The following CPED1 variants were observed in gnomAD, a reference collection of about 807,000 sequenced individuals.
CPED1 encodes cadherin like and PC-esterase domain containing 1, also known as cadherin-like and PC-esterase domain-containing protein 1.
Under a neutral mutation model 128.2 loss-of-function variants are expected in CPED1, and 114 were observed. The observed-to-expected ratio is 0.89, with a 90% CI of 0.76 to 1.04. CPED1 has a LOEUF of 1.04. Among genes scored for constraint, CPED1 ranks in the 50% least tolerant of loss-of-function variants. The pLI is 0.00. For synonymous variants in CPED1, 462 were observed against 426.7 expected, an observed-to-expected ratio of 1.08 and a Z score of -1.02; for missense variants, 1,211 against 1,207.1, an observed-to-expected ratio of 1.00 and a Z score of -0.05.
intron 17 of CPED1, among the ~76,000 whole-genome samples, chr7:121,238,366 T>C (rs541490318): frequency 4.6e-5 from 7 of 152,258 alleles, no homozygotes; most frequent in African/African-American, 1.7e-4. Context: ...CCTCTCTTTA[T>C]GTTGAGAGTG....
chr7:121,205,729 C>G (rs1180409056), intron 16 of CPED1, among the ~76,000 whole-genome samples: 1 of 151,974 alleles, frequency 6.6e-6, no homozygotes. Context: ...ACATTTTTCT[C>G]CCTTTGAAAA....
At chr7:121,203,665 A>T (rs1182408236) in intron 16 of CPED1, among the ~76,000 whole-genome samples, 1 of 152,128 alleles carries the variant, frequency 6.6e-6, no homozygotes, top group Non-Finnish European at 1.5e-5. Context: ...GGTGCTGAGG[A>T]AACTCTGAAT....
At chr7:121,066,559 C>A (rs1170501567) in intron 5 of CPED1, among the ~76,000 whole-genome samples, 2 of 152,038 alleles carry the variant, frequency 1.3e-5, no homozygotes, top group Non-Finnish European at 2.9e-5. Context: ...TCTCCCTTTA[C>A]ATGATAAATT....
intron 16 of CPED1, among the ~76,000 whole-genome samples, chr7:121,235,200 CGGGT>C: frequency 6.6e-6 from 1 of 152,164 alleles, no homozygotes; most frequent in South Asian, 2.1e-4. Flanking sequence ...CACACATACA[CGGGT>C]ATACTAACAA....
At chr7:121,120,157 G>A (rs758217071) in intron 7 of CPED1, among the ~76,000 whole-genome samples, 1 of 152,178 alleles carries the variant, frequency 6.6e-6, no homozygotes, top group East Asian at 1.9e-4. Flanking sequence ...TATGCTGACT[G>A]TATACCCAGA....
intron 2 of CPED1, among the ~76,000 whole-genome samples, chr7:121,007,744 A>G (rs1792059358): frequency 6.6e-6 from 1 of 152,116 alleles, no homozygotes; most frequent in African/African-American, 2.4e-5. Flanking sequence ...CATTCTCTGT[A>G]CCTTAGCTCT....
chr7:121,185,406 A>G (rs1796980585), intron 16 of CPED1, among the ~76,000 whole-genome samples: 1 of 152,150 alleles, frequency 6.6e-6, no homozygotes. Context: ...CAAAGTATCT[A>G]TTTTTACCCC....
At chr7:120,994,625 C>CTGTGTG (rs35288728) in intron 2 of CPED1, among the ~76,000 whole-genome samples, 9,130 of 144,518 alleles carry the variant, frequency 0.063, 329 homozygotes, top group African/African-American at 0.081. Context: ...ATTTGTTATA[C>CTGTGTG]TGTGTGTGTG....
intron 18 of CPED1, among the ~76,000 whole-genome samples, chr7:121,253,010 C>T (rs1798717516): frequency 6.6e-6 from 1 of 152,058 alleles, no homozygotes; most frequent in Non-Finnish European, 1.5e-5. Context: ...GACACATGCA[C>T]ACGTATGTTT....
chr7:121,275,005 G>A (rs1041958220), intron 22 of CPED1, among the ~76,000 whole-genome samples: 30 of 152,036 alleles, frequency 2.0e-4, no homozygotes, highest in African/African-American at 6.8e-4. Flanking sequence ...TGAAAAAATT[G>A]TGTTAGAACC....
At chr7:121,225,762 A>T (rs1797992221) in intron 16 of CPED1, among the ~76,000 whole-genome samples, 1 of 152,046 alleles carries the variant, frequency 6.6e-6, no homozygotes, top group South Asian at 2.1e-4. Flanking sequence ...CTTCTACTTC[A>T]TCGAATCGGG....
Position 121,286,743 on chromosome 7 carries a change from G to T in CPED1, c.2869-8697G>T, listed in dbSNP as rs1792586914. 2.0e-5 allele frequency among the ~76,000 whole-genome samples: 3 copies of T among 152,272 alleles called. No individual in the cohort carries two copies. In the South Asian group the frequency reaches 6.2e-4, roughly 32 times the overall value. On this transcript the variant is annotated intron_variant, in intron 22 of 22. Transcript: ENST00000310396. ...AGAGCAGGATTAAAGGCTGCAGATGGAAAAATGGTGTCCTTGAAGTGGCAC... is the reference window on the plus strand; with the variant it reads ...AGAGCAGGATTAAAGGCTGCAGATGTAAAAATGGTGTCCTTGAAGTGGCAC...
At chr7:121,001,383 T>C (rs529232499) in intron 2 of CPED1, among the ~76,000 whole-genome samples, 1 of 152,274 alleles carries the variant, frequency 6.6e-6, no homozygotes, top group East Asian at 1.9e-4. Flanking sequence ...ACAGCTGATC[T>C]TGACAAATTG....
chr7:121,016,410 A>G (rs1431151155), intron 3 of CPED1, among the ~76,000 whole-genome samples: 1 of 152,256 alleles, frequency 6.6e-6, no homozygotes, highest in Non-Finnish European at 1.5e-5. Context: ...AAAGGGCAAT[A>G]ACAATAAGAC....
At chr7:121,131,582 C>T (rs1056218416) in intron 12 of CPED1, among the ~76,000 whole-genome samples, 1 of 150,986 alleles carries the variant, frequency 6.6e-6, no homozygotes. Context: ...TTCTCAAGCT[C>T]CATGTATGTT....
rs1380783449 is a variant in CPED1, at chr7:121,098,813, TAATATATATATA to T, written c.749+1004_749+1015del. 1.2e-3 allele frequency among the ~76,000 whole-genome samples: 168 copies of T among 140,956 alleles called. 1 individual carries two copies. The highest frequency in any genetic ancestry group is 3.9e-3 in the East Asian group (20 of 5,074). 92.5% of individuals were successfully genotyped at this position (140,956 alleles called of 152,430 possible). A position where few individuals can be genotyped will look rare whatever the true frequency, so the allele number is the denominator to read the frequency against. ...ATAAAAATATATATAAATATATAAA[TAATATATATATA>T]AATATATATATAAATATATATGTAT... On this transcript the variant is annotated intron_variant, in intron 6 of 22. Transcript: ENST00000310396.
At chr7:121,032,186 A>G (rs562496315) in intron 3 of CPED1, among the ~76,000 whole-genome samples, 4 of 152,304 alleles carry the variant, frequency 2.6e-5, no homozygotes, top group African/African-American at 9.6e-5. Flanking sequence ...GTATATACCT[A>G]AATCTTAAAA....
intron 5 of CPED1, among the ~76,000 whole-genome samples, chr7:121,096,640 T>G (rs1360785278): frequency 6.6e-6 from 1 of 152,126 alleles, no homozygotes; most frequent in Non-Finnish European, 1.5e-5. Context: ...TTGCAGTACT[T>G]TTGAAATAGC....
chr7:121,178,978 T>A (rs1796842292), intron 16 of CPED1, among the ~76,000 whole-genome samples: 1 of 151,922 alleles, frequency 6.6e-6, no homozygotes, highest in Non-Finnish European at 1.5e-5. Flanking sequence ...CAATCTATAT[T>A]TAGAAGGTAG....
Sources: allele counts gnomAD v4.1 joint callset (sites outside exome capture counted in the v4.1 genomes callset), GRCh38; gene constraint gnomAD v4.1.1; transcripts MANE v1.5; gene names NCBI Gene and HGNC (gene_info 2026-07-23, HGNC 2026-07-21).